PTPN4: variants seen among roughly 807,000 people sequenced by gnomAD.
PTPN4 encodes protein tyrosine phosphatase non-receptor type 4, also known as tyrosine-protein phosphatase non-receptor type 4.
A neutral mutation model predicts 135.5 loss-of-function variants in PTPN4; 49 were observed. That is an observed-to-expected ratio of 0.36 (90% CI 0.29 to 0.46). The LOEUF (loss-of-function observed/expected upper bound fraction) is 0.46, where lower values mean the gene tolerates loss of function less well. Among genes scored for constraint, PTPN4 ranks in the 20% least tolerant of loss-of-function variants. The pLI is 1.00. For synonymous variants in PTPN4, 333 were observed against 369.9 expected, an observed-to-expected ratio of 0.90 and a Z score of 1.14; for missense variants, 860 against 1,101.0, an observed-to-expected ratio of 0.78 and a Z score of 3.10.
intron 2 of PTPN4, among the ~76,000 whole-genome samples, chr2:119,822,852 C>A (rs1677090165): frequency 6.6e-6 from 1 of 151,974 alleles, no homozygotes; most frequent in Non-Finnish European, 1.5e-5. Context: ...GTTATTAATT[C>A]TTTTTCCTTT....
chr2:119,830,432 A>G (rs1351015067), intron 2 of PTPN4, among the ~76,000 whole-genome samples: 1 of 152,070 alleles, frequency 6.6e-6, no homozygotes, highest in Admixed American at 6.5e-5. Context: ...TGTCCTCGCA[A>G]TAGTGAGTTC....
At chr2:119,789,688 T>C (rs545581219) in intron 1 of PTPN4, among the ~76,000 whole-genome samples, 15 of 152,208 alleles carry the variant, frequency 9.9e-5, no homozygotes, top group Non-Finnish European at 1.9e-4. Flanking sequence ...TTTCACTTTC[T>C]TGTAAATTTT....
At chr2:119,935,568 G>A (rs970112853) in intron 15 of PTPN4, among the ~76,000 whole-genome samples, 2 of 152,122 alleles carry the variant, frequency 1.3e-5, no homozygotes, top group African/African-American at 2.4e-5. Flanking sequence ...TTCAGCCTGC[G>A]TGATGTATAT....
At chr2:119,767,573 A>G (rs1690651510) in intron 1 of PTPN4, among the ~76,000 whole-genome samples, 1 of 152,200 alleles carries the variant, frequency 6.6e-6, no homozygotes, top group African/African-American at 2.4e-5. Context: ...AGGTTCACAC[A>G]TTGCATTTAA....
chr2:119,820,590 A>T (rs1677051410), intron 2 of PTPN4, among the ~76,000 whole-genome samples: 1 of 152,092 alleles, frequency 6.6e-6, no homozygotes, highest in African/African-American at 2.4e-5. Context: ...ATGTTGATGG[A>T]TGTGCTCTGC....
At chr2:119,852,601 T>G (rs1167419573) in intron 2 of PTPN4, among the ~76,000 whole-genome samples, 1 of 152,224 alleles carries the variant, frequency 6.6e-6, no homozygotes, top group Admixed American at 6.5e-5. Flanking sequence ...ATTGACCAGA[T>G]TTTTGTTTTA....
chr2:119,821,433 G>A (rs908927300), intron 2 of PTPN4, among the ~76,000 whole-genome samples: 12 of 151,972 alleles, frequency 7.9e-5, no homozygotes, highest in East Asian at 1.9e-4. Context: ...ACCAAGAAAA[G>A]TGACAGCTGT....
intron 2 of PTPN4, among the ~76,000 whole-genome samples, chr2:119,822,350 T>TC (rs1574352478): frequency 5.1e-5 from 7 of 137,644 alleles, no homozygotes; most frequent in African/African-American, 8.0e-5. Context: ...TGTATTAGTA[T>TC]CCCCTCCCCC....
chr2:119,924,021 C>CA (rs1487704818), intron 12 of PTPN4, among the ~76,000 whole-genome samples: 1 of 151,280 alleles, frequency 6.6e-6, no homozygotes, highest in Non-Finnish European at 1.5e-5. Context: ...CCTGTAGTCC[C>CA]AGTTACTCGG....
At chr2:119,916,067 A>G (rs1402665346) in intron 11 of PTPN4, 9 of 151,428 alleles carry the variant, frequency 5.9e-5, no homozygotes, top group Admixed American at 5.9e-4. Context: ...AGGTGTGATG[A>G]TGTGTGCCTC....
At chr2:119,927,973 A>C (rs1678849814) in intron 13 of PTPN4, among the ~76,000 whole-genome samples, 1 of 151,936 alleles carries the variant, frequency 6.6e-6, no homozygotes, top group African/African-American at 2.4e-5. Flanking sequence ...ATGTTTAAAA[A>C]CTCCAACAGT....
intron 1 of PTPN4, among the ~76,000 whole-genome samples, chr2:119,782,291 C>T (rs192694797): frequency 3.3e-5 from 5 of 152,020 alleles, no homozygotes; most frequent in Admixed American, 1.3e-4. Flanking sequence ...TGGAGACAGG[C>T]GCCTGTAATC....
chr2:119,932,165 T>C (rs1678916174), intron 13 of PTPN4: 1 of 222,278 alleles, frequency 4.5e-6, no homozygotes, highest in Non-Finnish European at 8.7e-6. Flanking sequence ...CCTTTTCTTG[T>C]TTCTTCTGTT....
chr2:119,934,695 G>C (rs577223621), intron 14 of PTPN4, 105 bp from the exon 15 acceptor site: 968 of 1,153,572 alleles, frequency 8.4e-4, no homozygotes, highest in Non-Finnish European at 1.1e-3. Flanking sequence ...AACATGGCTT[G>C]ACTTAAAAAC....
intron 20 of PTPN4, among the ~76,000 whole-genome samples, chr2:119,956,458 GT>G (rs568297236): frequency 8.1e-4 from 123 of 152,102 alleles, no homozygotes; most frequent in African/African-American, 2.7e-3. Flanking sequence ...ATAGGTAAGT[GT>G]TTAACTATAA....
At chr2:119,894,536 A>G (rs977020033) in intron 9 of PTPN4, among the ~76,000 whole-genome samples, 4 of 152,250 alleles carry the variant, frequency 2.6e-5, no homozygotes, top group African/African-American at 7.2e-5. Context: ...TATATAAAGC[A>G]TACAAACATT....
At chr2:119,826,113 A>C (rs1177970082) in intron 2 of PTPN4, among the ~76,000 whole-genome samples, 6 of 152,162 alleles carry the variant, frequency 3.9e-5, no homozygotes, top group Non-Finnish European at 8.8e-5. Flanking sequence ...GATAGTTCTG[A>C]TGCACATATT....
At chr2:119,855,789 C>T (rs1677667700) in intron 2 of PTPN4, among the ~76,000 whole-genome samples, 1 of 152,048 alleles carries the variant, frequency 6.6e-6, no homozygotes, top group Non-Finnish European at 1.5e-5. Flanking sequence ...TGGAAAGGCT[C>T]ATGTGTTATT....
At chr2:119,944,961 T>A in intron 15 of PTPN4, 120 bp from the exon 16 acceptor site, 1 of 833,208 alleles carries the variant, frequency 1.2e-6, no homozygotes, top group Non-Finnish European at 1.7e-6. Flanking sequence ...AAAGTGGCAC[T>A]TCCAAATAAA....
Sources: gnomAD v4.1 joint callset for allele counts (sites outside exome capture counted in the v4.1 genomes callset) on GRCh38, gnomAD v4.1.1 for gene constraint, MANE v1.5 for transcripts, NCBI Gene and HGNC (gene_info 2026-07-23, HGNC 2026-07-21) for gene names.